Variants in COQ7 observed in about 807,000 individuals in gnomAD.
The protein encoded by COQ7 is NADPH-dependent 3-demethoxyubiquinone 3-hydroxylase, mitochondrial.
Under a neutral mutation model 25.0 loss-of-function variants are expected in COQ7, and 21 were observed. The ratio of observed to expected loss-of-function variants is 0.84; its 90% CI spans 0.60 to 1.21. The LOEUF (loss-of-function observed/expected upper bound fraction) is 1.21. COQ7 is among the 50% of genes most tolerant of loss of function. The pLI is 0.00. For synonymous variants in COQ7, 125 were observed against 112.4 expected (o/e 1.11, Z -0.71); for missense variants, 311 against 296.2 (o/e 1.05, Z -0.37).
Position 19,067,639 on chromosome 16 carries a change from A to G in COQ7, c.-26A>G, listed in dbSNP as rs1362187097. 1 of 1,613,426 alleles carries G rather than the reference A, an allele frequency of 6.2e-7. No individual in the cohort carries two copies. Among genetic ancestry groups the G allele is most frequent in the Middle Eastern group, 1.7e-4 (1 of 6,060 alleles). ...ACTATTGGCCAGTTCCGTTCAACGA[A>G]GTGGTTGCTTTTTTTAGTTCCGGCA... On this transcript the variant is annotated 5_prime_UTR_variant, in exon 1 of 6. Transcript: ENST00000321998.
At chr16:19,082,909 T>C (rs1404227269), downstream of COQ7, among the ~76,000 whole-genome samples, 1 of 151,734 alleles carries the variant, frequency 6.6e-6, no homozygotes, top group African/African-American at 2.4e-5. Context: ...GGCAAATCCA[T>C]AGAAACAGAA....
intron 2 of COQ7, among the ~76,000 whole-genome samples, chr16:19,072,578 A>G (rs1962619604): frequency 1.3e-5 from 2 of 151,926 alleles, no homozygotes; most frequent in Admixed American, 6.6e-5. Context: ...CTGGGTTTCC[A>G]TTTCCGTATC....
chr16:19,074,065 A>C, intron 3 of COQ7, 30 bp downstream of exon 3: 1 of 1,519,912 alleles, frequency 6.6e-7, no homozygotes. Flanking sequence ...AGCTTATGCA[A>C]GCTTGGGGAT....
At chr16:19,075,622 G>T in intron 3 of COQ7, 99 bp from the exon 4 acceptor site, 3 of 1,339,142 alleles carry the variant, frequency 2.2e-6, no homozygotes, top group Non-Finnish European at 3.0e-6. Flanking sequence ...GACCCGGCCC[G>T]ATGTCTGGTG....
In COQ7 at chr16:19,074,018, T is replaced by G. The variant is rs1190392365; in HGVS notation, c.350T>G (p.Val117Gly). Residue 117 changes from valine (V) to glycine (G), a missense_variant, in exon 3 of 6, where the codon GTG becomes GGG. Transcript: ENST00000321998. ...ACAGTTCTGATGCCCTTGTGGAACG[T>G]GCTGGGGTTTGCACTGGGTACGTGT... ...RPTVLMPLWN[V>G]LGFALGAGTA... 3.1e-6 allele frequency: 5 copies of G among 1,613,354 alleles called. No individual in the cohort carries two copies.
intron 1 of COQ7, among the ~76,000 whole-genome samples, chr16:19,069,983 C>T (rs762361672): frequency 4.0e-5 from 6 of 151,858 alleles, no homozygotes; most frequent in Non-Finnish European, 8.8e-5. Context: ...GGGTTTTCAC[C>T]ATTTTGGCCA....
intron 2 of COQ7, among the ~76,000 whole-genome samples, chr16:19,073,308 C>CAAAAAAACAAAAAAAACA (rs55737309): frequency 7.2e-6 from 1 of 138,994 alleles, no homozygotes; most frequent in Non-Finnish European, 1.6e-5. Context: ...GACTCCGTCT[C>CAAAAAAACAAAAAAAACA]AAAAAAACAA....
chr16:19,071,149 G>GT (rs2142366967), intron 1 of COQ7, among the ~76,000 whole-genome samples: 1 of 151,820 alleles, frequency 6.6e-6, no homozygotes, highest in Non-Finnish European at 1.5e-5. Context: ...GTTTGTTTTT[G>GT]TTTTTAGACA....
At chr16:19,074,570 G>A (rs548028724) in intron 3 of COQ7, among the ~76,000 whole-genome samples, 24 of 152,118 alleles carry the variant, frequency 1.6e-4, no homozygotes, top group African/African-American at 5.3e-4. Context: ...CAGAGCCAGG[G>A]TCTCACTCTG....
At chr16:19,073,529 A>C (rs946600790) in intron 2 of COQ7, among the ~76,000 whole-genome samples, 2 of 152,166 alleles carry the variant, frequency 1.3e-5, no homozygotes, top group Non-Finnish European at 2.9e-5. Flanking sequence ...AGATGATGCT[A>C]TTCTAGTAAT....
downstream of COQ7, chr16:19,080,160 T>C (rs1454365987): frequency 2.0e-5 from 3 of 152,182 alleles, no homozygotes; most frequent in Admixed American, 1.3e-4. Context: ...GAATCTCACC[T>C]CATGGTCAAA....
At chr16:19,077,604 T>TTTTTTTTTTTTTTTTTTC (rs1555522742) in intron 5 of COQ7, among the ~76,000 whole-genome samples, 2 of 143,614 alleles carry the variant, frequency 1.4e-5, no homozygotes, top group Non-Finnish European at 3.0e-5. Context: ...TTTTTTTTTT[T>TTTTTTTTTTTTTTTTTTC]CCCAGACACA....
Position 19,067,753 on chromosome 16 carries a change from C to T in COQ7, c.73+16C>T, listed in dbSNP as rs889037437. The T allele has an allele frequency of 3.8e-6, 6 of 1,597,766 alleles. No individual in the cohort carries two copies. The Admixed American group carries it at 7.0e-5, about 19-fold the overall frequency. On this transcript the variant is annotated intron_variant, in intron 1 of 5. Transcript: ENST00000321998. ...TCCCTCTCAGGTAAAAGGAGGCGCG[C>T]AGTCACAGTCCTGCGCCGGTCTAGC...
chr16:19,067,617 A>C lies in COQ7; in HGVS notation c.-48A>C. ...GTCATCAGTCCGAGCCAAGGGCACTATTGGCCAGTTCCGTTCAACGAAGTG... is the reference window on the plus strand; with the variant it reads ...GTCATCAGTCCGAGCCAAGGGCACTCTTGGCCAGTTCCGTTCAACGAAGTG... On this transcript the variant is annotated 5_prime_UTR_variant, in exon 1 of 6. Coordinates refer to ENST00000321998, the MANE Select transcript of COQ7 (RefSeq NM_016138.5). 3.7e-6 allele frequency: 6 copies of C among 1,600,972 alleles called. No individual in the cohort carries two copies. The highest frequency in any genetic ancestry group is 5.1e-6 in the Non-Finnish European group (6 of 1,168,474).
chr16:19,077,518 C>T, intron 5 of COQ7, 144 bp downstream of exon 5: 2 of 499,214 alleles, frequency 4.0e-6, no homozygotes, highest in Non-Finnish European at 3.6e-6. Flanking sequence ...TGACAAAAAG[C>T]AAGCAAACGC....
At chr16:19,072,150 C>T (rs752857129) in intron 2 of COQ7, 44 bp downstream of exon 2, 11 of 1,607,998 alleles carry the variant, frequency 6.8e-6, no homozygotes, top group Non-Finnish European at 9.4e-6. Context: ...ACTGAATGGG[C>T]AGATCCAAAG....
Position 19,067,652 on chromosome 16 carries a change from T to A in COQ7, c.-13T>A, listed in dbSNP as rs1596814715. The A allele has an allele frequency of 1.2e-6, 2 of 1,613,514 alleles. No individual in the cohort carries two copies. Among genetic ancestry groups the A allele is most frequent in the Non-Finnish European group, 8.5e-7 (1 of 1,179,752 alleles). ...TCCGTTCAACGAAGTGGTTGCTTTT[T>A]TTAGTTCCGGCAATGAGTTGCGCCG... On this transcript the variant is annotated 5_prime_UTR_variant, in exon 1 of 6. Coordinates refer to ENST00000321998, the MANE Select transcript of COQ7 (RefSeq NM_016138.5).
intron 2 of COQ7, among the ~76,000 whole-genome samples, chr16:19,073,195 G>A (rs1361867494): frequency 6.6e-6 from 1 of 152,150 alleles, no homozygotes. Context: ...TGTAGTCCCA[G>A]CTGCTTGGGA....
chr16:19,073,881 A>T, intron 2 of COQ7, 40 bp from the exon 3 acceptor site: 1 of 1,511,520 alleles, frequency 6.6e-7, no homozygotes. Context: ...GGAGGCCTCT[A>T]TGGAATGCTT....
Sources: allele counts gnomAD v4.1 joint callset (sites outside exome capture counted in the v4.1 genomes callset), GRCh38; gene constraint gnomAD v4.1.1; transcripts MANE v1.5; gene names NCBI Gene and HGNC (gene_info 2026-07-23, HGNC 2026-07-21).